Variants in CCT6B observed in about 807,000 individuals in gnomAD.
The protein encoded by CCT6B is probable T-complex protein 1 subunit zeta-2.
A neutral mutation model predicts 61.5 loss-of-function variants in CCT6B; 49 were observed. The ratio of observed to expected loss-of-function variants is 0.80; its 90% CI spans 0.63 to 1.01. The LOEUF is 1.01. Ranked by LOEUF, CCT6B falls within the 50% of genes least tolerant of loss-of-function variation. CCT6B has a pLI of 0.00. For missense variants in CCT6B, 666 were observed against 634.7 expected (o/e 1.05, Z -0.53); for synonymous variants, 228 against 214.5 (o/e 1.06, Z -0.55).
At chr17:34,940,666 G>C in intron 7 of CCT6B, 45 bp from the exon 8 acceptor site, 1 of 1,054,904 alleles carries the variant, frequency 9.5e-7, no homozygotes, top group Non-Finnish European at 1.4e-6. Flanking sequence ...TTTTAAACCA[G>C]TATTTCTCAA....
At chr17:34,932,305 A>C in intron 11 of CCT6B, 62 bp downstream of exon 11, 1 of 1,469,336 alleles carries the variant, frequency 6.8e-7, no homozygotes, top group Middle Eastern at 1.8e-4. Context: ...TAATATGGGC[A>C]ATTTGTAATT....
intron 10 of CCT6B, among the ~76,000 whole-genome samples, chr17:34,938,188 C>T (rs1230591409): frequency 6.6e-6 from 1 of 152,084 alleles, no homozygotes; most frequent in East Asian, 1.9e-4. Flanking sequence ...CTGTGCATGG[C>T]CAACAATCCA....
chr17:34,928,338 C>T (rs183870516), intron 13 of CCT6B, among the ~76,000 whole-genome samples: 2 of 151,800 alleles, frequency 1.3e-5, no homozygotes, highest in East Asian at 1.9e-4. Flanking sequence ...AATGGCAAGA[C>T]CTCAGCTTAC....
Position 34,932,494 on chromosome 17 carries a change from A to C in CCT6B, c.1220T>G (p.Met407Arg), listed in dbSNP as rs2090047675. The C allele has an allele frequency of 6.2e-7, 1 of 1,608,314 alleles. No individual in the cohort carries two copies. ...TTCAATTGCACCAGCTCCAGGAACC[A>C]TACAACCTATTGGAGAGAAAAAATA... ...AIKNAIEDGC[M>R]VPGAGAIEVA... is the part of the protein sequence containing the mutation. Residue 407 changes from methionine (M) to arginine (R), a missense_variant, in exon 11 of 14, where the codon ATG (methionine) becomes AGG (arginine). Transcript: ENST00000314144.
chr17:34,955,931 T>C (rs1336770575), intron 3 of CCT6B, among the ~76,000 whole-genome samples: 1 of 152,188 alleles, frequency 6.6e-6, no homozygotes, highest in Non-Finnish European at 1.5e-5. Flanking sequence ...GACCTGACTT[T>C]AGAGCCTATG....
intron 5 of CCT6B, among the ~76,000 whole-genome samples, chr17:34,946,454 G>A (rs909652485): frequency 2.5e-4 from 38 of 152,164 alleles, no homozygotes; most frequent in African/African-American, 8.7e-4. Context: ...GCAAGGAATA[G>A]AACACCATAA....
At chr17:34,949,293 T>TA (rs909216941) in intron 5 of CCT6B, among the ~76,000 whole-genome samples, 19 of 147,156 alleles carry the variant, frequency 1.3e-4, no homozygotes, top group African/African-American at 2.5e-4. Flanking sequence ...CCATCTCTAC[T>TA]AAAAAAAAAA....
Position 34,942,848 on chromosome 17 carries a change from C to T in CCT6B, c.673G>A (p.Val225Ile), listed in dbSNP as rs1459324368. 1.2e-6 allele frequency: 2 copies of T among 1,611,866 alleles called. No homozygotes were observed. Among genetic ancestry groups the T allele is most frequent in the East Asian group, 2.2e-5 (1 of 44,836 alleles). Residue 225 changes from valine (V) to isoleucine (I), a missense_variant, in exon 6 of 14, where the codon GTA becomes ATA. Transcript: ENST00000314144. ...CAAATAAGGATAAATGCATCTTCTA[C>T]TCGCTTCTTCATATCTGGATGACGG... ...GARHPDMKKR[V>I]EDAFILICNV...
chr17:34,931,428 T>G (rs560585602), intron 11 of CCT6B, among the ~76,000 whole-genome samples: 5 of 152,292 alleles, frequency 3.3e-5, no homozygotes, highest in African/African-American at 1.2e-4. Flanking sequence ...CCTCCAGTTC[T>G]TCATAGGCAC....
intron 10 of CCT6B, among the ~76,000 whole-genome samples, chr17:34,933,078 G>A (rs1283270997): frequency 6.6e-6 from 1 of 151,992 alleles, no homozygotes; most frequent in Non-Finnish European, 1.5e-5. Flanking sequence ...CACCACACCC[G>A]GCCTTATGAC....
chr17:34,928,701 T>C (rs1334672125), intron 13 of CCT6B, among the ~76,000 whole-genome samples: 1 of 152,238 alleles, frequency 6.6e-6, no homozygotes, highest in Non-Finnish European at 1.5e-5. Flanking sequence ...TGTGCTATTA[T>C]TTCAGTAAAT....
chr17:34,959,563 T>C, intron 2 of CCT6B, 24 bp downstream of exon 2: 4 of 1,583,278 alleles, frequency 2.5e-6, no homozygotes, highest in Middle Eastern at 1.7e-4. Flanking sequence ...TTAAGGTTTA[T>C]TAAAGTCAGC....
rs2230552 is a variant in CCT6B, at chr17:34,959,645, A to C, written c.143T>G (p.Val48Gly). Residue 48 changes from valine to glycine, a missense_variant, in exon 2 of 14, where the codon GTT becomes GGT. Physicochemically the swap from Val to Gly is moderately radical, Grantham distance 109 (BLOSUM62 -3). Coordinates refer to ENST00000314144, the MANE Select transcript of CCT6B (RefSeq NM_006584.4). The part of the protein sequence containing the change: ...LGPKGTMKML[V>G]SGAGDIKLTK... ...GAGTTTGATGTCACCTGCACCAGAA[A>C]CAAGCCTGTTCAGAGAAGAATGATA... 11 of 1,608,210 alleles carry C rather than the reference A, an allele frequency of 6.8e-6. No homozygotes were observed. In the African/African-American group the frequency reaches 1.5e-4, roughly 22 times the overall value.
chr17:34,948,748 G>A (rs2090254720), intron 5 of CCT6B, among the ~76,000 whole-genome samples: 1 of 150,690 alleles, frequency 6.6e-6, no homozygotes, highest in Non-Finnish European at 1.5e-5. Flanking sequence ...AAACTGGATG[G>A]ACCTGGCATG....
chr17:34,954,514 T>C lies in CCT6B; in HGVS notation c.422A>G (p.Lys141Arg). 6.2e-7 allele frequency: 1 copy of C among 1,613,664 alleles called. No homozygotes were observed. The highest frequency in any genetic ancestry group is 8.5e-7 in the Non-Finnish European group (1 of 1,179,680). ...TAAGAGGATTTTTCTTTTCATCTCC[T>C]TTGTCACTTTAACTTCCTCCAAAAC... ...LEVLEEVKVT[K>R]EMKRKILLDV... The change falls in exon 4 of 14, where the codon AAG becomes AGG. Residue 141 changes from lysine to arginine, a missense_variant. Physicochemically the swap from Lys to Arg is conservative, Grantham distance 26. Coordinates refer to ENST00000314144, the MANE Select transcript of CCT6B (RefSeq NM_006584.4).
intron 10 of CCT6B, among the ~76,000 whole-genome samples, chr17:34,937,736 C>T (rs1289888770): frequency 1.3e-5 from 2 of 152,094 alleles, no homozygotes; most frequent in African/African-American, 4.8e-5. Flanking sequence ...AAGAACTTCT[C>T]TTTGAAAGGC....
In CCT6B at chr17:34,951,951, TTGTATC is replaced by T; in HGVS notation, c.607_612del (p.Asp203_Thr204del). The T allele has an allele frequency of 6.7e-7, 1 of 1,498,030 alleles. No individual in the cohort carries two copies. The highest frequency in any genetic ancestry group is 9.2e-7 in the Non-Finnish European group (1 of 1,081,906). The allele number at this position is 1,498,030 out of a possible 1,614,324, so 92.8% of individuals were successfully genotyped here. ...GTTGTCAAAGCTTATGTAATTTACT[TTGTATC>T]TGTTCCTAATTTATGCTTCATCTCC... On this transcript the variant is annotated inframe_deletion and splice_region_variant, in exon 5 of 14. Coordinates refer to ENST00000314144, the MANE Select transcript of CCT6B (RefSeq NM_006584.4).
chr17:34,958,864 TAA>T (rs1405736093), intron 2 of CCT6B, among the ~76,000 whole-genome samples, 170 bp from the exon 3 acceptor site: 1 of 152,210 alleles, frequency 6.6e-6, no homozygotes, highest in Non-Finnish European at 1.5e-5. Flanking sequence ...TCCAAAATTT[TAA>T]AAGTGACAGG....
chr17:34,961,413 A>AG lies in CCT6B; in HGVS notation c.-21dup, dbSNP rs762508555. ...AGCCATAGCCTAACCGTTCAGAGGGAGAAAAAAAAAAAGCCTTAGTCGCGA... is the reference window on the plus strand; with the variant it reads ...AGCCATAGCCTAACCGTTCAGAGGGAGGAAAAAAAAAAAGCCTTAGTCGCGA... On this transcript the variant is annotated 5_prime_UTR_variant, in exon 1 of 14. Transcript: ENST00000314144. 6.4e-6 allele frequency: 10 copies of AG among 1,571,980 alleles called. No homozygotes were observed. The highest frequency in any genetic ancestry group is 2.0e-5 in the Admixed American group (1 of 50,140).
Sources: allele counts gnomAD v4.1 joint callset (sites outside exome capture counted in the v4.1 genomes callset), GRCh38; gene constraint gnomAD v4.1.1; transcripts MANE v1.5; gene names NCBI Gene and HGNC (gene_info 2026-07-23, HGNC 2026-07-21).